The following TENM2 variants were observed in gnomAD, a reference collection of about 807,000 sequenced individuals.
TENM2 encodes the protein teneurin transmembrane protein 2.
TENM2 carries 52 observed loss-of-function variants against 245.2 expected under a neutral mutation model. The ratio of observed to expected loss-of-function variants is 0.21; its 90% CI spans 0.17 to 0.27. The LOEUF is 0.27. TENM2 is among the 10% of genes least tolerant of loss of function. TENM2 has a pLI of 1.00. For synonymous variants in TENM2, 1,363 were observed against 1,438.9 expected, an observed-to-expected ratio of 0.95 and a Z score of 1.19; for missense variants, 3,046 against 3,666.8, an observed-to-expected ratio of 0.83 and a Z score of 4.37.
intron 7 of TENM2, among the ~76,000 whole-genome samples, chr5:168,085,030 T>C (rs1177241205): frequency 6.6e-6 from 1 of 152,206 alleles, no homozygotes; most frequent in African/African-American, 2.4e-5. Context: ...TTAAAACTCA[T>C]GCAAATCCAA....
chr5:168,262,447 C>T (rs1052475575), exon 29 of TENM2: 7 of 1,569,894 alleles, frequency 4.5e-6, no homozygotes, highest in Admixed American at 1.9e-5. Flanking sequence ...TGTCCCAGCC[C>T]ACGCTGCTGG....
At chr5:168,069,058 T>G (rs978666512) in intron 7 of TENM2, among the ~76,000 whole-genome samples, 1 of 130,182 alleles carries the variant, frequency 7.7e-6, no homozygotes, top group Non-Finnish European at 1.6e-5. Context: ...GCTTTGAAAC[T>G]CTCCTTATTT....
rs372290163 is a variant in TENM2, at chr5:168,116,385, A to G, written c.1814-1907A>G. Among the ~76,000 whole-genome samples the G allele has an allele frequency of 2.2e-4, 33 of 152,312 alleles. No individual in the cohort carries two copies. The South Asian group carries it at 6.8e-3, about 32-fold the overall frequency. On this transcript the variant is annotated intron_variant, in intron 9 of 28. Transcript: ENST00000518659. ...CATTTTGAGGGGAAATGACCCCTCA[A>G]TCGTATGTCAACTATTGAGATACTT...
chr5:167,636,748 TAAG>T (rs1450846079), intron 2 of TENM2, among the ~76,000 whole-genome samples: 1 of 152,250 alleles, frequency 6.6e-6, no homozygotes, highest in Non-Finnish European at 1.5e-5. Context: ...TGACATTTGA[TAAG>T]AATACCAATG....
intron 2 of TENM2, among the ~76,000 whole-genome samples, chr5:167,846,169 A>G (rs10061026): frequency 0.056 from 8,558 of 152,152 alleles, 784 homozygotes; most frequent in African/African-American, 0.2. Flanking sequence ...TTACATGTCT[A>G]TCTCCCTCAC....
Position 168,218,338 on chromosome 5 carries a change from T to G in TENM2, c.4447T>G (p.Ser1483Ala). 1 of 1,613,998 alleles carries G rather than the reference T, an allele frequency of 6.2e-7. No individual in the cohort carries two copies. Among genetic ancestry groups the G allele is most frequent in the Non-Finnish European group, 8.5e-7 (1 of 1,179,898 alleles). The stretch of plus-strand genomic sequence containing the variant: ...GGAGTCAGCCAGTGCCATTGCCATT[T>G]CTCACACTGGGGTCCTCTACATCAC... Residue 1483 changes from serine (S) to alanine (A), a missense_variant, in exon 23 of 29, where the codon TCT becomes GCT. Physicochemically the swap from Ser to Ala is moderately conservative, Grantham distance 99. Transcript: ENST00000518659. The surrounding 1 kb of genome is among the most constrained non-coding windows in gnomAD (Gnocchi z 5.2).
At chr5:167,738,451 G>A (rs1396398493) in intron 2 of TENM2, among the ~76,000 whole-genome samples, 4 of 152,148 alleles carry the variant, frequency 2.6e-5, no homozygotes, top group Admixed American at 2.6e-4. Context: ...ATAATTTGTT[G>A]GATGTCTGTC....
intron 2 of TENM2, among the ~76,000 whole-genome samples, chr5:167,541,694 G>T (rs1255177531): frequency 2.0e-5 from 3 of 152,124 alleles, no homozygotes; most frequent in Non-Finnish European, 2.9e-5. Flanking sequence ...TTAAAGTGAG[G>T]TTTAAACCAA....
intron 2 of TENM2, among the ~76,000 whole-genome samples, chr5:167,375,847 G>C (rs190233905): frequency 1.2e-4 from 19 of 152,138 alleles, no homozygotes; most frequent in African/African-American, 4.6e-4. Flanking sequence ...TGGAAACCTG[G>C]GTTATTTTTT....
intron 2 of TENM2, among the ~76,000 whole-genome samples, chr5:167,384,909 A>T (rs1289206808): frequency 2.0e-5 from 3 of 152,220 alleles, no homozygotes; most frequent in Non-Finnish European, 1.5e-5. Context: ...AGATGATAAA[A>T]TTCAAAAAGC....
the TENM2 span, among the ~76,000 whole-genome samples, chr5:167,212,250 G>A: frequency 1.4e-4 from 20 of 144,832 alleles, no homozygotes; most frequent in Admixed American, 1.4e-3. Flanking sequence ...ACCTGCAGCC[G>A]CCACCCCAGG....
intron 2 of TENM2, among the ~76,000 whole-genome samples, chr5:167,783,593 A>G (rs1054044886): frequency 6.6e-6 from 1 of 152,234 alleles, no homozygotes; most frequent in Non-Finnish European, 1.5e-5. Flanking sequence ...CGCGGATGCC[A>G]AAGCAGCTCC....
intron 5 of TENM2, among the ~76,000 whole-genome samples, chr5:168,022,178 C>T (rs1786209015): frequency 6.6e-6 from 1 of 152,260 alleles, no homozygotes; most frequent in Non-Finnish European, 1.5e-5. Flanking sequence ...CATGCATGAG[C>T]AGGCACCGTG....
At chr5:168,013,156 T>C (rs1366666012) in intron 5 of TENM2, among the ~76,000 whole-genome samples, 2 of 152,192 alleles carry the variant, frequency 1.3e-5, no homozygotes, top group Non-Finnish European at 1.5e-5. Context: ...TTAAATCTTA[T>C]TAATCAGAAC....
chr5:167,950,834 A>G (rs1255810130), intron 3 of TENM2, among the ~76,000 whole-genome samples: 1 of 152,206 alleles, frequency 6.6e-6, no homozygotes, highest in Non-Finnish European at 1.5e-5. Flanking sequence ...AAACTCTCCC[A>G]AAGATATATT....
At chr5:167,593,637 A>G (rs1776019974) in intron 2 of TENM2, among the ~76,000 whole-genome samples, 1 of 152,210 alleles carries the variant, frequency 6.6e-6, no homozygotes, top group Admixed American at 6.5e-5. Flanking sequence ...TTAAAGTTGC[A>G]AATATTTATC....
chr5:167,067,245 T>A, the TENM2 span, among the ~76,000 whole-genome samples: 1 of 152,212 alleles, frequency 6.6e-6, no homozygotes, highest in African/African-American at 2.4e-5. Context: ...CCTTTCAGAA[T>A]TGCTTAATGA....
At chr5:167,908,159 C>T (rs1452734424) in intron 3 of TENM2, among the ~76,000 whole-genome samples, 1 of 152,118 alleles carries the variant, frequency 6.6e-6, no homozygotes, top group African/African-American at 2.4e-5. Context: ...TCACTCTGTC[C>T]TAGACTTTCT....
chr5:167,279,400 T>G, the TENM2 span, among the ~76,000 whole-genome samples: 255 of 152,276 alleles, frequency 1.7e-3, 1 homozygote, highest in African/African-American at 5.5e-3. Flanking sequence ...CATTAGGTAT[T>G]TTATCATCAC....
Sources: gnomAD v4.1 joint callset for allele counts (sites outside exome capture counted in the v4.1 genomes callset) on GRCh38, gnomAD v4.1.1 for gene constraint, Gnocchi (gnomAD v3.1) non-coding constraint, MANE v1.5 for transcripts, NCBI Gene and HGNC (gene_info 2026-07-23, HGNC 2026-07-21) for gene names.